SRGAP1: variants seen among roughly 807,000 people sequenced by gnomAD.
SRGAP1 encodes the protein SLIT-ROBO Rho GTPase-activating protein 1.
Under a neutral mutation model 121.9 loss-of-function variants are expected in SRGAP1, and 43 were observed. The ratio of observed to expected loss-of-function variants is 0.35; its 90% CI spans 0.28 to 0.46. The LOEUF (loss-of-function observed/expected upper bound fraction) is 0.46, where lower values mean the gene tolerates loss of function less well. SRGAP1 is among the 20% of genes least tolerant of loss of function. The probability of loss-of-function intolerance (pLI) is 1.00; values close to 1 mark genes in which losing one functional copy is unlikely to be tolerated. For missense variants in SRGAP1, 1,102 were observed against 1,350.9 expected (o/e 0.82, Z 2.89); for synonymous variants, 447 against 485.4 (o/e 0.92, Z 1.04).
At chr12:63,968,695 G>C (rs142335666) in intron 1 of SRGAP1, among the ~76,000 whole-genome samples, 30 of 152,340 alleles carry the variant, frequency 2.0e-4, no homozygotes, top group South Asian at 4.1e-4. Context: ...TTTGGGCAGA[G>C]TGTTGTGTCT....
At chr12:63,880,367 G>A (rs117820100) in intron 1 of SRGAP1, among the ~76,000 whole-genome samples, 1 of 152,012 alleles carries the variant, frequency 6.6e-6, no homozygotes, top group East Asian at 1.9e-4. Context: ...CAGCAGCTGG[G>A]ATTACAGACG....
intron 1 of SRGAP1, among the ~76,000 whole-genome samples, chr12:63,869,896 A>G (rs1385966618): frequency 3.9e-5 from 6 of 152,204 alleles, no homozygotes; most frequent in African/African-American, 1.4e-4. Flanking sequence ...GAGAGGTCAT[A>G]TTGGTGTCAC....
Position 64,056,152 on chromosome 12 carries a change from A to G in SRGAP1, c.802-6765A>G, listed in dbSNP as rs534609217. Among the ~76,000 whole-genome samples the G allele has an allele frequency of 4.5e-4, 69 of 152,134 alleles. 1 individual carries two copies. Among genetic ancestry groups the G allele is most frequent in the Non-Finnish European group, 5.6e-4 (38 of 68,024 alleles). On this transcript the variant is annotated intron_variant, in intron 6 of 21. Transcript: ENST00000355086. ...TCTCTTGTTCCACACATATAAATTC[A>G]TCAGCAAATCCTGTCATCTTTACCT...
intron 1 of SRGAP1, among the ~76,000 whole-genome samples, chr12:63,885,722 C>CAG (rs1316353182): frequency 3.3e-5 from 5 of 152,104 alleles, no homozygotes; most frequent in African/African-American, 4.8e-5. Flanking sequence ...AGGAGAAGTT[C>CAG]AGAGAGAGAG....
At chr12:63,930,248 T>C (rs2031421948) in intron 1 of SRGAP1, among the ~76,000 whole-genome samples, 1 of 149,852 alleles carries the variant, frequency 6.7e-6, no homozygotes, top group Non-Finnish European at 1.5e-5. Flanking sequence ...CCCAGCAGTT[T>C]GGGAGGCTGT....
At chr12:64,041,963 A>G (rs549952325) in intron 4 of SRGAP1, among the ~76,000 whole-genome samples, 2 of 150,586 alleles carry the variant, frequency 1.3e-5, no homozygotes, top group South Asian at 4.2e-4. Flanking sequence ...CAGTGGCACA[A>G]TGTCAGCTCA....
At chr12:64,053,508 T>G (rs1164491666) in intron 6 of SRGAP1, among the ~76,000 whole-genome samples, 1 of 152,206 alleles carries the variant, frequency 6.6e-6, no homozygotes, top group Non-Finnish European at 1.5e-5. Flanking sequence ...TTTTAATTTG[T>G]AAAATAACAA....
At position 64,131,150 on chromosome 12, in the gene SRGAP1, TG is replaced by T. The variant is rs537859892; in HGVS notation, c.2880+2952del. On this transcript the variant is annotated intron_variant, in intron 21 of 21. Coordinates refer to ENST00000355086, the MANE Select transcript of SRGAP1 (RefSeq NM_020762.4). ...GGGGTGGCTGGGGAAAGAGGCTGAA[TG>T]GTGTCCACAGAATGGCTCATCCTAT... Among the ~76,000 whole-genome samples, 27 of 152,296 alleles carry T rather than the reference TG, an allele frequency of 1.8e-4. No homozygotes were observed. In the South Asian group the frequency reaches 5.2e-3, roughly 29 times the overall value.
In SRGAP1 at chr12:64,126,016, T is replaced by C; in HGVS notation, c.2264T>C (p.Val755Ala). 1 of 1,614,142 alleles carries C rather than the reference T, an allele frequency of 6.2e-7. No homozygotes were observed. ...GAAGCAATAGCCAAGTTTGACTATG[T>C]TGGGCGGTCTGCCAGAGAACTATCC... ...PIEAIAKFDY[V>A]GRSARELSFK... Residue 755 changes from valine to alanine, a missense_variant, in exon 19 of 22, where the codon GTT becomes GCT. Val to Ala is a moderately conservative substitution (Grantham distance 64). Transcript: ENST00000355086.
intron 10 of SRGAP1, among the ~76,000 whole-genome samples, chr12:64,084,645 A>G (rs1284976625): frequency 6.6e-6 from 1 of 152,198 alleles, no homozygotes; most frequent in Non-Finnish European, 1.5e-5. Context: ...TGTATCTTTT[A>G]TAGGTTTTTA....
intron 1 of SRGAP1, among the ~76,000 whole-genome samples, chr12:63,905,241 G>T (rs1188506568): frequency 6.6e-6 from 1 of 152,134 alleles, no homozygotes; most frequent in Non-Finnish European, 1.5e-5. Context: ...GAGGCATGTT[G>T]TGTTCAGTTA....
chr12:64,068,771 A>G (rs2035587718), intron 8 of SRGAP1, among the ~76,000 whole-genome samples: 1 of 151,734 alleles, frequency 6.6e-6, no homozygotes, highest in Non-Finnish European at 1.5e-5. Flanking sequence ...GCACTTTGGG[A>G]GGCCAAGGCG....
chr12:64,020,341 G>A (rs906667365), intron 4 of SRGAP1, among the ~76,000 whole-genome samples: 3 of 152,242 alleles, frequency 2.0e-5, no homozygotes, highest in South Asian at 4.2e-4. Context: ...GATATGGCAC[G>A]AAGCCCTGGA....
chr12:64,091,848 C>CTCTT, intron 12 of SRGAP1: 2 of 1,497,842 alleles, frequency 1.3e-6, no homozygotes, highest in South Asian at 2.4e-5. Flanking sequence ...GCTGTGTTTA[C>CTCTT]TCTTCGTCTT....
chr12:63,958,646 G>A (rs2032545202), intron 1 of SRGAP1, among the ~76,000 whole-genome samples: 1 of 152,160 alleles, frequency 6.6e-6, no homozygotes. Flanking sequence ...GCAAATAGGA[G>A]GCTGGTTGGC....
At chr12:64,075,919 CA>C (rs752705333) in intron 8 of SRGAP1, among the ~76,000 whole-genome samples, 533 of 126,684 alleles carry the variant, frequency 4.2e-3, no homozygotes, top group African/African-American at 4.9e-3. Context: ...TTATTTTGTT[CA>C]AAAAAAAAAA....
intron 1 of SRGAP1, among the ~76,000 whole-genome samples, chr12:63,959,925 C>T (rs2032588347): frequency 6.6e-6 from 1 of 152,138 alleles, no homozygotes; most frequent in Admixed American, 6.5e-5. Context: ...CAGATGAATT[C>T]ATCAGATTTA....
intron 1 of SRGAP1, among the ~76,000 whole-genome samples, chr12:63,961,993 T>C (rs1340700944): frequency 6.6e-6 from 1 of 152,184 alleles, no homozygotes; most frequent in African/African-American, 2.4e-5. Context: ...AATTAAATGA[T>C]CTGGGCTCCA....
At chr12:64,018,911 G>A (rs1276364499) in intron 4 of SRGAP1, among the ~76,000 whole-genome samples, 1 of 152,144 alleles carries the variant, frequency 6.6e-6, no homozygotes, top group African/African-American at 2.4e-5. Flanking sequence ...TTCCAAAGAG[G>A]AACAAGCAGA....
Sources: gnomAD v4.1 joint callset for allele counts (sites outside exome capture counted in the v4.1 genomes callset) on GRCh38, gnomAD v4.1.1 for gene constraint, MANE v1.5 for transcripts, NCBI Gene and HGNC (gene_info 2026-07-23, HGNC 2026-07-21) for gene names.